The following CCSER1 variants were observed in gnomAD, a reference collection of about 807,000 sequenced individuals.
The protein encoded by CCSER1 is serine-rich coiled-coil domain-containing protein 1.
Under a neutral mutation model 82.0 loss-of-function variants are expected in CCSER1, and 41 were observed. That is an observed-to-expected ratio of 0.50 (90% CI 0.39 to 0.65). CCSER1 has a LOEUF of 0.65. Among genes scored for constraint, CCSER1 ranks in the 30% least tolerant of loss-of-function variants. CCSER1 has a pLI of 0.00. For synonymous variants in CCSER1, 414 were observed against 383.9 expected (o/e 1.08, Z -0.92); for missense variants, 1,119 against 1,064.2 (o/e 1.05, Z -0.72).
At chr4:90,193,975 A>G (rs1473224291) in intron 1 of CCSER1, among the ~76,000 whole-genome samples, 1 of 152,078 alleles carries the variant, frequency 6.6e-6, no homozygotes, top group Non-Finnish European at 1.5e-5. Context: ...TTGTAGATTT[A>G]GTAAACATTT....
chr4:90,465,726 G>T (rs184381455), intron 4 of CCSER1, among the ~76,000 whole-genome samples: 17 of 152,264 alleles, frequency 1.1e-4, no homozygotes, highest in African/African-American at 3.9e-4. Context: ...TGATGTGTGT[G>T]TGTCACTGAT....
intron 10 of CCSER1, among the ~76,000 whole-genome samples, chr4:91,552,707 G>C (rs1416034836): frequency 6.6e-6 from 1 of 151,456 alleles, no homozygotes; most frequent in Non-Finnish European, 1.5e-5. Context: ...AAATGCAACT[G>C]AGTTTTGCAT....
chr4:91,525,771 C>T (rs1262569406), intron 10 of CCSER1, among the ~76,000 whole-genome samples: 3 of 152,030 alleles, frequency 2.0e-5, no homozygotes, highest in Non-Finnish European at 2.9e-5. Flanking sequence ...GTCTCATATA[C>T]GTAGCCTCAA....
At chr4:90,461,425 T>TCC (rs1308771168) in intron 4 of CCSER1, among the ~76,000 whole-genome samples, 4 of 152,202 alleles carry the variant, frequency 2.6e-5, no homozygotes, top group African/African-American at 9.6e-5. Context: ...ATGATCGGTA[T>TCC]CAATTCCCAT....
chr4:91,022,933 G>GC (rs1220216826), intron 9 of CCSER1, among the ~76,000 whole-genome samples: 1 of 152,060 alleles, frequency 6.6e-6, no homozygotes, highest in African/African-American at 2.4e-5. Flanking sequence ...TGAGTAGATT[G>GC]CAAAAATTTT....
intron 6 of CCSER1, among the ~76,000 whole-genome samples, chr4:90,645,300 A>T (rs1163927274): frequency 6.6e-6 from 1 of 152,196 alleles, no homozygotes; most frequent in Non-Finnish European, 1.5e-5. Flanking sequence ...TTTGTTTTTA[A>T]GAAATATTCA....
At chr4:90,299,398 C>T (rs1048638552) in intron 1 of CCSER1, among the ~76,000 whole-genome samples, 5 of 152,074 alleles carry the variant, frequency 3.3e-5, no homozygotes, top group African/African-American at 1.2e-4. Flanking sequence ...TTGTTGAGAA[C>T]AACTTAGTGT....
chr4:90,781,900 C>CA (rs907716416), intron 7 of CCSER1: 5 of 928,086 alleles, frequency 5.4e-6, no homozygotes, highest in African/African-American at 5.4e-5. Context: ...ATGTACCTTA[C>CA]AAAAAAAGAT....
intron 5 of CCSER1, among the ~76,000 whole-genome samples, chr4:90,535,617 T>G (rs1191290476): frequency 1.3e-5 from 2 of 152,210 alleles, no homozygotes; most frequent in African/African-American, 4.8e-5. Flanking sequence ...CTACACTGGC[T>G]CATAGCTAGA....
At chr4:91,065,739 T>C (rs538432723) in intron 9 of CCSER1, among the ~76,000 whole-genome samples, 1 of 152,226 alleles carries the variant, frequency 6.6e-6, no homozygotes, top group South Asian at 2.1e-4. Context: ...ACTTTTCAAC[T>C]TCAGTGGACA....
chr4:90,403,368 G>A (rs911533755), intron 4 of CCSER1, among the ~76,000 whole-genome samples: 3 of 150,088 alleles, frequency 2.0e-5, no homozygotes, highest in Non-Finnish European at 4.5e-5. Context: ...GCGTAGTGGC[G>A]GGCGCCTGTA....
At chr4:90,369,400 G>A (rs1746958589) in intron 3 of CCSER1, among the ~76,000 whole-genome samples, 1 of 150,250 alleles carries the variant, frequency 6.7e-6, no homozygotes, top group African/African-American at 2.4e-5. Context: ...GAAAGAAAGG[G>A]AAGAAAAAGA....
chr4:90,463,932 A>G (rs115047034), intron 4 of CCSER1, among the ~76,000 whole-genome samples: 1,782 of 152,112 alleles, frequency 0.012, 15 homozygotes, highest in South Asian at 0.022. Context: ...CAATGATTTT[A>G]TAAATTAAAA....
At chr4:91,336,337 G>C (rs1476441575) in intron 10 of CCSER1, among the ~76,000 whole-genome samples, 1 of 152,022 alleles carries the variant, frequency 6.6e-6, no homozygotes, top group Non-Finnish European at 1.5e-5. Context: ...TGAGCTTCAA[G>C]TATTTAATAT....
intron 6 of CCSER1, among the ~76,000 whole-genome samples, chr4:90,712,943 T>G (rs1028742477): frequency 1.3e-5 from 2 of 151,902 alleles, no homozygotes; most frequent in African/African-American, 4.8e-5. Context: ...AAATTCTGTT[T>G]TGTCAGATAG....
intron 9 of CCSER1, among the ~76,000 whole-genome samples, chr4:91,043,693 C>T (rs528199989): frequency 2.0e-5 from 3 of 147,700 alleles, no homozygotes; most frequent in Non-Finnish European, 4.4e-5. Flanking sequence ...CGGGTTCATG[C>T]GATTCTCCTG....
intron 6 of CCSER1, among the ~76,000 whole-genome samples, chr4:90,653,749 A>T (rs1321178515): frequency 1.3e-5 from 2 of 152,134 alleles, no homozygotes; most frequent in Non-Finnish European, 2.9e-5. Context: ...AAAACTATGC[A>T]CGTCTACAAA....
chr4:91,205,175 T>C (rs546135042), intron 10 of CCSER1, among the ~76,000 whole-genome samples: 4 of 151,834 alleles, frequency 2.6e-5, no homozygotes, highest in African/African-American at 4.8e-5. Flanking sequence ...ATTCTGAATA[T>C]ACTTGACATG....
intron 1 of CCSER1, among the ~76,000 whole-genome samples, chr4:90,236,604 T>C (rs896808722): frequency 6.6e-6 from 1 of 152,154 alleles, no homozygotes; most frequent in African/African-American, 2.4e-5. Context: ...TAATTGAGAA[T>C]ATGGGGATTG....
Sources: allele counts gnomAD v4.1 joint callset (sites outside exome capture counted in the v4.1 genomes callset), GRCh38; gene constraint gnomAD v4.1.1; transcripts MANE v1.5; gene names NCBI Gene and HGNC (gene_info 2026-07-23, HGNC 2026-07-21).